The following CEP85L variants were observed in gnomAD, a reference collection of about 807,000 sequenced individuals.
CEP85L encodes the protein centrosomal protein 85L.
CEP85L carries 60 observed loss-of-function variants against 100.3 expected under a neutral mutation model. The ratio of observed to expected loss-of-function variants is 0.60; its 90% confidence interval spans 0.49 to 0.74. The LOEUF (loss-of-function observed/expected upper bound fraction) is 0.74. CEP85L is among the 30% of genes least tolerant of loss of function. CEP85L has a pLI of 0.00. For synonymous variants in CEP85L, 319 were observed against 322.7 expected, an observed-to-expected ratio of 0.99 and a Z score of 0.12; for missense variants, 973 against 936.2, an observed-to-expected ratio of 1.04 and a Z score of -0.51.
chr6:118,603,141 C>T (rs1010543146), intron 2 of CEP85L, among the ~76,000 whole-genome samples: 1 of 152,052 alleles, frequency 6.6e-6, no homozygotes, highest in African/African-American at 2.4e-5. Context: ...TTTTTAAAAG[C>T]CAAGCCCAGC....
intron 3 of CEP85L, among the ~76,000 whole-genome samples, chr6:118,537,122 T>A (rs1366659967): frequency 2.0e-5 from 3 of 152,178 alleles, no homozygotes; most frequent in Non-Finnish European, 4.4e-5. Flanking sequence ...TACTTAGAAT[T>A]TCAAAGTAAT....
intron 2 of CEP85L, among the ~76,000 whole-genome samples, chr6:118,585,657 G>A (rs970345339): frequency 3.9e-5 from 6 of 152,198 alleles, no homozygotes; most frequent in Non-Finnish European, 7.3e-5. Flanking sequence ...AGTCCTTAAA[G>A]TGCTTCACCA....
intron 3 of CEP85L, among the ~76,000 whole-genome samples, chr6:118,546,064 T>G (rs1778184171): frequency 2.0e-5 from 3 of 152,260 alleles, no homozygotes; most frequent in Admixed American, 2.0e-4. Flanking sequence ...CTATAACTCA[T>G]TAATACTCCT....
intron 1 of CEP85L, among the ~76,000 whole-genome samples, chr6:118,666,233 C>T (rs1443413252): frequency 6.6e-6 from 1 of 152,146 alleles, no homozygotes; most frequent in Non-Finnish European, 1.5e-5. Context: ...TAGTTCTCTG[C>T]CTGGGGCTTC....
intron 2 of CEP85L, among the ~76,000 whole-genome samples, chr6:118,603,632 G>A (rs1342658638): frequency 6.6e-6 from 1 of 152,188 alleles, no homozygotes; most frequent in Non-Finnish European, 1.5e-5. Flanking sequence ...GAAAAACAAA[G>A]GATCAGCAAC....
intron 3 of CEP85L, among the ~76,000 whole-genome samples, chr6:118,562,607 C>T (rs566276402): frequency 9.7e-4 from 147 of 152,228 alleles, no homozygotes; most frequent in African/African-American, 3.4e-3. Flanking sequence ...CTATCCACCC[C>T]CCATCAGCCT....
intron 5 of CEP85L, among the ~76,000 whole-genome samples, chr6:118,500,316 A>C (rs1052832282): frequency 6.6e-6 from 1 of 152,136 alleles, no homozygotes; most frequent in Non-Finnish European, 1.5e-5. Context: ...ACTGGTGGCT[A>C]TATGATCAAA....
intron 2 of CEP85L, among the ~76,000 whole-genome samples, chr6:118,603,898 C>T (rs1583150207): frequency 6.6e-6 from 1 of 152,268 alleles, no homozygotes; most frequent in East Asian, 1.9e-4. Context: ...AGTTTTAGGC[C>T]AGCCCCTATT....
intron 1 of CEP85L, among the ~76,000 whole-genome samples, chr6:118,681,534 A>T (rs1776658999): frequency 6.6e-6 from 1 of 152,166 alleles, no homozygotes; most frequent in African/African-American, 2.4e-5. Flanking sequence ...AGATTTCAAA[A>T]TATCTGAAGT....
chr6:118,571,587 A>ATC (rs376033990), intron 2 of CEP85L, among the ~76,000 whole-genome samples: 2,073 of 150,016 alleles, frequency 0.014, 125 homozygotes, highest in Admixed American at 0.12. Flanking sequence ...CAGGGATGGT[A>ATC]TCTCTCTCTC....
chr6:118,661,942 C>T (rs928247189), intron 1 of CEP85L, among the ~76,000 whole-genome samples: 11 of 152,180 alleles, frequency 7.2e-5, no homozygotes, highest in African/African-American at 2.7e-4. Flanking sequence ...GCAAGAGGTG[C>T]CAGCACCAGA....
chr6:118,472,896 G>T (rs1050168803), intron 10 of CEP85L, among the ~76,000 whole-genome samples: 1 of 152,154 alleles, frequency 6.6e-6, no homozygotes, highest in African/African-American at 2.4e-5. Context: ...GTTTGAAGTT[G>T]AACAGTGGAA....
At chr6:118,509,533 G>A (rs1307012491) in intron 5 of CEP85L, among the ~76,000 whole-genome samples, 1 of 152,044 alleles carries the variant, frequency 6.6e-6, no homozygotes, top group African/African-American at 2.4e-5. Context: ...TATGTTAAAT[G>A]CCTCTGGCCT....
chr6:118,548,834 T>C (rs1250094258), intron 3 of CEP85L, among the ~76,000 whole-genome samples: 2 of 152,058 alleles, frequency 1.3e-5, no homozygotes, highest in Non-Finnish European at 2.9e-5. Flanking sequence ...CTAATATGAA[T>C]AGTCATTTGA....
At chr6:118,708,220 C>T (rs528613414) in intron 1 of CEP85L, among the ~76,000 whole-genome samples, 18 of 152,330 alleles carry the variant, frequency 1.2e-4, no homozygotes, top group African/African-American at 4.3e-4. Context: ...TTAAGTTACT[C>T]ACAGCCTGTC....
At chr6:118,597,731 A>C (rs1029366472) in intron 2 of CEP85L, among the ~76,000 whole-genome samples, 5 of 152,240 alleles carry the variant, frequency 3.3e-5, no homozygotes, top group Non-Finnish European at 5.9e-5. Context: ...CTGGAGACTT[A>C]TGAAAAAGAT....
chr6:118,486,202 A>T (rs543852497), intron 6 of CEP85L, among the ~76,000 whole-genome samples: 13 of 151,790 alleles, frequency 8.6e-5, no homozygotes, highest in South Asian at 2.1e-4. Context: ...ATTTTTTTTT[A>T]AAACTGCCAA....
At chr6:118,541,751 C>T (rs1320326372) in intron 3 of CEP85L, among the ~76,000 whole-genome samples, 1 of 152,120 alleles carries the variant, frequency 6.6e-6, no homozygotes, top group Non-Finnish European at 1.5e-5. Context: ...GAGCACTGAT[C>T]AAAAAGCCAC....
In CEP85L at chr6:118,518,093, G is replaced by T. The variant is rs190789335; in HGVS notation, c.1139+5709C>A. Among the ~76,000 whole-genome samples the T allele has an allele frequency of 6.6e-5, 10 of 152,254 alleles. No homozygotes were observed. The East Asian group carries it at 1.9e-3, about 29-fold the overall frequency. ...CAGGGATGACGCCGACTTGTTTGTGGTAGGTAAGCTTTTTGATGTGCTGCT... is the reference window on the plus strand; with the variant it reads ...CAGGGATGACGCCGACTTGTTTGTGTTAGGTAAGCTTTTTGATGTGCTGCT... On this transcript the variant is annotated intron_variant, in intron 4 of 12. Coordinates refer to ENST00000368491, the MANE Select transcript of CEP85L (RefSeq NM_001042475.3).
Sources: gnomAD v4.1 joint callset for allele counts (sites outside exome capture counted in the v4.1 genomes callset) on GRCh38, gnomAD v4.1.1 for gene constraint, MANE v1.5 for transcripts, NCBI Gene and HGNC (gene_info 2026-07-23, HGNC 2026-07-21) for gene names.